The following DLG1 variants were observed in gnomAD, a reference collection of about 807,000 sequenced individuals.
DLG1 encodes the protein disks large homolog 1.
Under a neutral mutation model 123.4 loss-of-function variants are expected in DLG1, and 42 were observed. That is an observed-to-expected ratio of 0.34 (90% CI 0.27 to 0.44). The LOEUF (loss-of-function observed/expected upper bound fraction) is 0.44, where lower values mean the gene tolerates loss of function less well. DLG1 is among the 20% of genes least tolerant of loss of function. DLG1 has a pLI of 1.00. For missense variants in DLG1, 942 were observed against 1,082.6 expected (o/e 0.87, Z 1.82); for synonymous variants, 317 against 356.2 (o/e 0.89, Z 1.24).
rs995687109 is a variant in DLG1, at chr3:197,297,172, G to T, written c.19+14C>A. 2.5e-6 allele frequency: 4 copies of T among 1,613,946 alleles called. No individual in the cohort carries two copies. In the East Asian group the frequency reaches 8.9e-5, roughly 36 times the overall value. ...AAGTGACATCGACAACAGAGTTACGGAATAAACTCTCACCTTGCTTCCGGA... is the reference window on the plus strand; with the variant it reads ...AAGTGACATCGACAACAGAGTTACGTAATAAACTCTCACCTTGCTTCCGGA... On this transcript the variant is annotated intron_variant, in intron 2 of 24. Transcript: ENST00000667157.
intron 16 of DLG1, among the ~76,000 whole-genome samples, chr3:197,085,105 GTTGTACAAC>G (rs1753549043): frequency 6.6e-6 from 1 of 151,010 alleles, no homozygotes; most frequent in Non-Finnish European, 1.5e-5. Flanking sequence ...ATATATTTAA[GTTGTACAAC>G]TTAATGATTT....
At chr3:197,080,352 C>T (rs1182817502) in intron 17 of DLG1, 4 of 125,540 alleles carry the variant, frequency 3.2e-5, no homozygotes, top group Non-Finnish European at 6.4e-5. Flanking sequence ...GATCATGGCT[C>T]ACTACTGCCT....
intron 22 of DLG1, among the ~76,000 whole-genome samples, chr3:197,062,757 G>A (rs749639666): frequency 6.6e-6 from 1 of 152,158 alleles, no homozygotes; most frequent in Non-Finnish European, 1.5e-5. Context: ...GGCTTATTCA[G>A]TGTTATTTTT....
chr3:197,177,108 T>A (rs992529876), intron 5 of DLG1, among the ~76,000 whole-genome samples: 4 of 152,120 alleles, frequency 2.6e-5, no homozygotes, highest in African/African-American at 9.7e-5. Flanking sequence ...ATAAAATAGA[T>A]CCTACAATAT....
chr3:197,086,062 T>C (rs1578849253), intron 15 of DLG1, among the ~76,000 whole-genome samples: 1 of 152,156 alleles, frequency 6.6e-6, no homozygotes, highest in East Asian at 1.9e-4. Flanking sequence ...TCCAGAGAGT[T>C]TGAAATTAAT....
chr3:197,129,072 A>C (rs547520903), intron 11 of DLG1, among the ~76,000 whole-genome samples: 1 of 152,374 alleles, frequency 6.6e-6, no homozygotes, highest in South Asian at 2.1e-4. Context: ...ATTAGCAACT[A>C]ACAAGAAAGT....
At chr3:197,110,379 T>C (rs1769195177) in intron 13 of DLG1, among the ~76,000 whole-genome samples, 1 of 152,240 alleles carries the variant, frequency 6.6e-6, no homozygotes, top group Admixed American at 6.5e-5. Flanking sequence ...TGATATTTTT[T>C]ACATGGTGAG....
chr3:197,138,599 A>G (rs1786289984), intron 8 of DLG1, among the ~76,000 whole-genome samples: 1 of 152,094 alleles, frequency 6.6e-6, no homozygotes, highest in Admixed American at 6.5e-5. Context: ...CAAAAGGAAC[A>G]AAAGAAATAG....
At chr3:197,078,352 GT>G in intron 17 of DLG1, 1 of 150,494 alleles carries the variant, frequency 6.6e-6, no homozygotes, top group Non-Finnish European at 1.5e-5. Flanking sequence ...GTAGATTAAA[GT>G]GACTTTTAGC....
chr3:197,280,349 G>GTA (rs1476852452), intron 4 of DLG1, among the ~76,000 whole-genome samples: 3 of 151,716 alleles, frequency 2.0e-5, no homozygotes, highest in African/African-American at 7.3e-5. Context: ...GTGTGTGTGT[G>GTA]TGTGTGTGTG....
chr3:197,055,856 G>C (rs1055559374), intron 23 of DLG1, among the ~76,000 whole-genome samples: 3 of 152,140 alleles, frequency 2.0e-5, no homozygotes, highest in African/African-American at 7.2e-5. Context: ...GTGGCAGTGG[G>C]GTTTGCAACA....
intron 4 of DLG1, among the ~76,000 whole-genome samples, chr3:197,274,967 G>A (rs563479553): frequency 2.6e-5 from 4 of 152,282 alleles, no homozygotes; most frequent in Middle Eastern, 3.4e-3. Flanking sequence ...GGCAGATCAC[G>A]AGGTCAGGAC....
chr3:197,285,294 G>A (rs988807811), intron 3 of DLG1, among the ~76,000 whole-genome samples: 1 of 151,836 alleles, frequency 6.6e-6, no homozygotes, highest in African/African-American at 2.4e-5. Flanking sequence ...CTTAAACAGA[G>A]AAACCCACAA....
At chr3:197,119,597 G>A (rs925411218) in intron 11 of DLG1, 67 bp from the exon 12 acceptor site, 5 of 1,396,776 alleles carry the variant, frequency 3.6e-6, no homozygotes, top group Admixed American at 2.4e-5. Context: ...CCATTTATGA[G>A]TGATTAATGT....
chr3:197,132,118 T>C (rs537356758), intron 10 of DLG1, among the ~76,000 whole-genome samples: 1 of 152,296 alleles, frequency 6.6e-6, no homozygotes, highest in East Asian at 1.9e-4. Context: ...CTCTTTTTTC[T>C]TGGCTGGTCT....
chr3:197,269,003 G>A, intron 4 of DLG1, among the ~76,000 whole-genome samples: 1 of 152,124 alleles, frequency 6.6e-6, no homozygotes, highest in East Asian at 1.9e-4. Context: ...CATGCATGGA[G>A]CTATCGCCAC....
chr3:197,234,890 A>G (rs1216327080), intron 4 of DLG1, among the ~76,000 whole-genome samples: 1 of 152,170 alleles, frequency 6.6e-6, no homozygotes, highest in Admixed American at 6.5e-5. Flanking sequence ...TTTTTTAAGG[A>G]AACTACTGAA....
chr3:197,142,286 G>T (rs1482127684), intron 7 of DLG1, among the ~76,000 whole-genome samples: 2 of 152,096 alleles, frequency 1.3e-5, no homozygotes, highest in African/African-American at 4.8e-5. Context: ...GGTCTAAGGC[G>T]GCAGGATAAC....
At position 197,280,337 on chromosome 3, in the gene DLG1, T is replaced by TTGTGTGTGTG. The variant is rs10575004; in HGVS notation, c.318+2332_318+2341dup. ...TTTTATGGCTGAATAGTAGTCCATT[T>TTGTGTGTGTG]TGTGTGTGTGTGTGTGTGTGTGTGT... On this transcript the variant is annotated intron_variant, in intron 4 of 24. Coordinates refer to ENST00000667157, the MANE Select transcript of DLG1 (RefSeq NM_001366207.1). 3.7e-3 allele frequency among the ~76,000 whole-genome samples: 559 copies of TTGTGTGTGTG among 150,020 alleles called. 6 individuals are homozygous for TTGTGTGTGTG. Among genetic ancestry groups the TTGTGTGTGTG allele is most frequent in the South Asian group, 7.0e-3 (33 of 4,732 alleles).
Sources: gnomAD v4.1 joint callset for allele counts (sites outside exome capture counted in the v4.1 genomes callset) on GRCh38, gnomAD v4.1.1 for gene constraint, MANE v1.5 for transcripts, NCBI Gene and HGNC (gene_info 2026-07-23, HGNC 2026-07-21) for gene names.